The following TVP23B variants were observed in gnomAD, a reference collection of about 807,000 sequenced individuals.
The protein encoded by TVP23B is Golgi apparatus membrane protein TVP23 homolog B.
A neutral mutation model predicts 30.6 loss-of-function variants in TVP23B; 10 were observed. The observed-to-expected ratio is 0.33, with a 90% CI of 0.20 to 0.55. The LOEUF is 0.55. Ranked by LOEUF, TVP23B falls within the 20% of genes least tolerant of loss-of-function variation. The pLI is 0.91. For missense variants in TVP23B, 153 were observed against 243.2 expected, an observed-to-expected ratio of 0.63 and a Z score of 2.47; for synonymous variants, 67 against 83.1, an observed-to-expected ratio of 0.81 and a Z score of 1.06.
At chr17:18,794,385 C>T (rs1322539670) in intron 3 of TVP23B, among the ~76,000 whole-genome samples, 3 of 152,218 alleles carry the variant, frequency 2.0e-5, no homozygotes, top group East Asian at 1.9e-4. Flanking sequence ...AAGTAGTTGT[C>T]GAAATTGGAA....
At chr17:18,789,490 T>A in intron 2 of TVP23B, 55 bp downstream of exon 2, 3 of 1,610,978 alleles carry the variant, frequency 1.9e-6, no homozygotes, top group Non-Finnish European at 2.5e-6. Context: ...GTTCTGTATG[T>A]ATGTCAGTGC....
intron 4 of TVP23B, 110 bp from the exon 5 acceptor site, chr17:18,798,702 C>G: frequency 7.1e-7 from 1 of 1,417,276 alleles, no homozygotes. Context: ...AGGAGTTGGG[C>G]TGTGTGTATT....
intron 1 of TVP23B, 41 bp from the exon 2 acceptor site, chr17:18,789,312 G>A: frequency 6.2e-7 from 1 of 1,613,574 alleles, no homozygotes; most frequent in Non-Finnish European, 8.5e-7. Flanking sequence ...TGTAAACACT[G>A]AATTTTGTTT....
At chr17:18,794,271 A>G (rs753895673) in intron 3 of TVP23B, among the ~76,000 whole-genome samples, 29 of 152,224 alleles carry the variant, frequency 1.9e-4, no homozygotes, top group Non-Finnish European at 3.7e-4. Flanking sequence ...CCTGTGGGGC[A>G]TTTACAAAAA....
At chr17:18,797,935 C>T (rs955765188) in intron 4 of TVP23B, among the ~76,000 whole-genome samples, 1 of 151,550 alleles carries the variant, frequency 6.6e-6, no homozygotes, top group African/African-American at 2.4e-5. Flanking sequence ...TCAGGGATTG[C>T]TGATAAAAGA....
chr17:18,787,469 G>A (rs557604055), intron 1 of TVP23B, among the ~76,000 whole-genome samples: 45 of 151,792 alleles, frequency 3.0e-4, no homozygotes, highest in Non-Finnish European at 5.6e-4. Flanking sequence ...AGGTAGGAGC[G>A]GGTAGATGTG....
chr17:18,781,321 C>T lies in TVP23B; in HGVS notation c.12+16C>T, dbSNP rs1181960075. 3 of 1,578,466 alleles carry T rather than the reference C, an allele frequency of 1.9e-6. No individual in the cohort carries two copies. Among genetic ancestry groups the T allele is most frequent in the East Asian group, 2.3e-5 (1 of 43,204 alleles). ...GTTGCAGCAGGTGAGGGGCTGAGGG[C>T]TCGCTGGGAGGGTGGCGGCTCCTGG... On this transcript the variant is annotated intron_variant, in intron 1 of 6. Transcript: ENST00000307767.
intron 2 of TVP23B, 106 bp from the exon 3 acceptor site, chr17:18,790,790 A>T: frequency 2.0e-6 from 3 of 1,495,788 alleles, no homozygotes; most frequent in Non-Finnish European, 2.7e-6. Flanking sequence ...TTTTATTTTG[A>T]CAAAACTCTT....
chr17:18,792,238 G>A (rs1326988142), intron 3 of TVP23B, among the ~76,000 whole-genome samples: 1 of 152,092 alleles, frequency 6.6e-6, no homozygotes, highest in African/African-American at 2.4e-5. Flanking sequence ...GTTTCTCCAT[G>A]TTGGTCAGGC....
At chr17:18,801,138 C>T (rs1469458779) in intron 5 of TVP23B, among the ~76,000 whole-genome samples, 1 of 152,236 alleles carries the variant, frequency 6.6e-6, no homozygotes, top group African/African-American at 2.4e-5. Context: ...TCTGTATTTC[C>T]TTAGCTTTGT....
At chr17:18,784,093 C>G (rs562318166) in intron 1 of TVP23B, among the ~76,000 whole-genome samples, 3 of 152,066 alleles carry the variant, frequency 2.0e-5, no homozygotes, top group Non-Finnish European at 2.9e-5. Context: ...TGCAGTGAGC[C>G]GAGATCGCGC....
At chr17:18,785,015 C>CT (rs2035878228) in intron 1 of TVP23B, among the ~76,000 whole-genome samples, 1 of 152,216 alleles carries the variant, frequency 6.6e-6, no homozygotes, top group South Asian at 2.1e-4. Context: ...TACTTGGAAT[C>CT]TATTTTTCAT....
chr17:18,799,788 T>C lies in TVP23B; in HGVS notation c.462+845T>C, dbSNP rs571408909. On this transcript the variant is annotated intron_variant, in intron 5 of 6. Transcript: ENST00000307767. ...GTGTGAATTTTCACACAATATTTATTGATATCAGATATATTTTGGCCTTAA... is the reference window on the plus strand; with the variant it reads ...GTGTGAATTTTCACACAATATTTATCGATATCAGATATATTTTGGCCTTAA... 3.7e-3 allele frequency among the ~76,000 whole-genome samples: 558 copies of C among 152,240 alleles called. 1 individual carries two copies. Among genetic ancestry groups the C allele is most frequent in the Non-Finnish European group, 5.4e-3 (368 of 68,004 alleles).
chr17:18,783,732 C>T (rs1183182436), intron 1 of TVP23B, among the ~76,000 whole-genome samples: 1 of 152,210 alleles, frequency 6.6e-6, no homozygotes, highest in South Asian at 2.1e-4. Context: ...TTTCCATCTC[C>T]TCTTGCCTAC....
At chr17:18,805,111 C>T (rs1324541284) in intron 6 of TVP23B, among the ~76,000 whole-genome samples, 42 of 119,560 alleles carry the variant, frequency 3.5e-4, no homozygotes, top group African/African-American at 1.1e-3. Flanking sequence ...TTTCTTGAGA[C>T]GGAGTCTCGC....
At position 18,805,412 on chromosome 17, in the gene TVP23B, G is replaced by T. The variant is rs535212693; in HGVS notation, c.592-129G>T. 3.4e-5 allele frequency: 50 copies of T among 1,470,796 alleles called. No homozygotes were observed. The East Asian group carries it at 1.1e-3, about 32-fold the overall frequency. The allele number at this position is 1,470,796 out of a possible 1,614,324, so 91.1% of individuals were successfully genotyped here. A position where few individuals can be genotyped will look rare whatever the true frequency, so the allele number is the denominator to read the frequency against. ...CATGTCTACTTTTTAATGTGATTGG[G>T]CCATTGTATGTAAGGTAATGCTCTG... On this transcript the variant is annotated intron_variant, in intron 6 of 6. Coordinates refer to ENST00000307767, the MANE Select transcript of TVP23B (RefSeq NM_016078.6).
rs1022615683 is a variant in TVP23B, at chr17:18,805,763, A to G, written c.*196A>G. On this transcript the variant is annotated 3_prime_UTR_variant, in exon 7 of 7. Transcript: ENST00000307767. ...TTTCCAGCAGTTGGGGCTAGAAAGT[A>G]TGTGTTGGCACTAGAAACATTGTCA... 2.1e-6 allele frequency: 3 copies of G among 1,428,890 alleles called. No individual in the cohort carries two copies. Among genetic ancestry groups the G allele is most frequent in the Middle Eastern group, 2.6e-4 (1 of 3,868 alleles). 88.5% of individuals were successfully genotyped at this position (1,428,890 alleles called of 1,614,324 possible).
chr17:18,785,846 T>A (rs567572719), intron 1 of TVP23B, among the ~76,000 whole-genome samples: 359 of 150,696 alleles, frequency 2.4e-3, no homozygotes, highest in African/African-American at 7.9e-3. Flanking sequence ...AAAAAAAAAA[T>A]GGCCAGTCTG....
In TVP23B at chr17:18,806,437, T is replaced by G. The variant is rs1397630729; in HGVS notation, c.*870T>G. ...TTTTTTCTTGCTATAATGGGGATAT[T>G]GTAAATTATGCATTTGTATTAATGG... On this transcript the variant is annotated 3_prime_UTR_variant, in exon 7 of 7. Coordinates refer to ENST00000307767, the MANE Select transcript of TVP23B (RefSeq NM_016078.6). 11 of 355,068 alleles carry G rather than the reference T, an allele frequency of 3.1e-5. No individual in the cohort carries two copies. The highest frequency in any genetic ancestry group is 4.3e-5 in the Non-Finnish European group (11 of 255,660). 22.0% of individuals were successfully genotyped at this position (355,068 alleles called of 1,614,324 possible). A position where few individuals can be genotyped will look rare whatever the true frequency, so the allele number is the denominator to read the frequency against.
Sources: allele counts gnomAD v4.1 joint callset (sites outside exome capture counted in the v4.1 genomes callset), GRCh38; gene constraint gnomAD v4.1.1; transcripts MANE v1.5; gene names NCBI Gene and HGNC (gene_info 2026-07-23, HGNC 2026-07-21).